Variants in ORC3 observed in about 807,000 individuals in gnomAD.
The protein encoded by ORC3 is origin recognition complex subunit 3.
ORC3 carries 78 observed loss-of-function variants against 100.7 expected under a neutral mutation model. The ratio of observed to expected loss-of-function variants is 0.77; its 90% CI spans 0.65 to 0.94. The LOEUF (loss-of-function observed/expected upper bound fraction) is 0.94. Ranked by LOEUF, ORC3 falls within the 40% of genes least tolerant of loss-of-function variation. The pLI is 0.00. For missense variants in ORC3, 789 were observed against 823.9 expected, an observed-to-expected ratio of 0.96 and a Z score of 0.52; for synonymous variants, 295 against 289.3, an observed-to-expected ratio of 1.02 and a Z score of -0.20.
At chr6:87,677,822 A>G in the ORC3 span, 1 of 1,613,558 alleles carries the variant, frequency 6.2e-7, no homozygotes, top group Non-Finnish European at 8.5e-7. Flanking sequence ...TCATACCTGC[A>G]AGTTTTGTGT....
intron 8 of ORC3, among the ~76,000 whole-genome samples, chr6:87,613,906 T>A (rs939855245): frequency 1.3e-5 from 2 of 152,190 alleles, no homozygotes; most frequent in African/African-American, 4.8e-5. Flanking sequence ...TGTCTGCAGC[T>A]TTTCCAGGCA....
At chr6:87,675,477 G>A in the ORC3 span, 24 of 1,429,766 alleles carry the variant, frequency 1.7e-5, no homozygotes, top group Middle Eastern at 1.7e-4. Flanking sequence ...TGCCACTGAC[G>A]AAAGCTTGAA....
At chr6:87,601,761 G>T in intron 2 of ORC3, 23 bp from the exon 3 acceptor site, 2 of 1,307,510 alleles carry the variant, frequency 1.5e-6, no homozygotes, top group South Asian at 2.4e-5. Context: ...AAAAGAAACT[G>T]ACTTATTTCT....
At position 87,644,079 on chromosome 6, in the gene ORC3, C is replaced by CTTTTTT. The variant is rs1156943778; in HGVS notation, c.1382+7619_1382+7624dup. Among the ~76,000 whole-genome samples, 146 of 51,428 alleles carry CTTTTTT rather than the reference C, an allele frequency of 2.8e-3. 20 individuals are homozygous for CTTTTTT. The highest frequency in any genetic ancestry group is 0.013 in the East Asian group (17 of 1,328). 33.7% of individuals were successfully genotyped at this position (51,428 alleles called of 152,430 possible). On this transcript the variant is annotated intron_variant, in intron 13 of 19. Coordinates refer to ENST00000392844, the MANE Select transcript of ORC3 (RefSeq NM_012381.4). The stretch of plus-strand genomic sequence containing the variant: ...CCACAGATACAGATGGCTGACTGTC[C>CTTTTTT]TTTTTTTTTTTTTTTTTTTTTTTTT...
intron 13 of ORC3, among the ~76,000 whole-genome samples, chr6:87,638,618 A>T (rs1381041910): frequency 6.6e-6 from 1 of 152,196 alleles, no homozygotes; most frequent in Non-Finnish European, 1.5e-5. Context: ...AAGTCCTCTA[A>T]AATTTGAAAC....
At chr6:87,661,468 G>A (rs1770172849) in intron 16 of ORC3, among the ~76,000 whole-genome samples, 1 of 152,120 alleles carries the variant, frequency 6.6e-6, no homozygotes, top group Non-Finnish European at 1.5e-5. Flanking sequence ...TCTTGAGATG[G>A]GGGAGAAAAG....
chr6:87,656,776 G>C, intron 14 of ORC3, 130 bp from the exon 15 acceptor site: 1 of 571,430 alleles, frequency 1.7e-6, no homozygotes, highest in Non-Finnish European at 3.1e-6. Flanking sequence ...TTATCAGATG[G>C]AATCTTGATC....
At chr6:87,666,735 G>A (rs1770674887) in intron 19 of ORC3, among the ~76,000 whole-genome samples, 1 of 152,078 alleles carries the variant, frequency 6.6e-6, no homozygotes, top group Admixed American at 6.6e-5. Flanking sequence ...CACTGACCTG[G>A]TCTGAATTCT....
intron 1 of ORC3, among the ~76,000 whole-genome samples, chr6:87,592,943 A>G (rs572567605): frequency 5.3e-5 from 8 of 151,654 alleles, no homozygotes; most frequent in Non-Finnish European, 8.8e-5. Context: ...AATACAATAA[A>G]TTAGCCAGGC....
chr6:87,651,661 C>T (rs1461768116), intron 13 of ORC3, among the ~76,000 whole-genome samples: 1 of 152,092 alleles, frequency 6.6e-6, no homozygotes, highest in African/African-American at 2.4e-5. Flanking sequence ...TAACAATTGC[C>T]ATATTTAGTG....
At position 87,607,657 on chromosome 6, in the gene ORC3, T is replaced by G; in HGVS notation, c.428-16T>G. The G allele has an allele frequency of 6.4e-7, 1 of 1,568,166 alleles. No individual in the cohort carries two copies. The highest frequency in any genetic ancestry group is 2.3e-5 in the East Asian group (1 of 43,584). On this transcript the variant is annotated splice_polypyrimidine_tract_variant and intron_variant, in intron 5 of 19. Coordinates refer to ENST00000392844, the MANE Select transcript of ORC3 (RefSeq NM_012381.4). The stretch of plus-strand genomic sequence containing the variant: ...AAGAGGCAGAGATAAGCTTTCTTAC[T>G]TTTTATATTCCACAGATATGAAACA...
rs2307380 is a variant in ORC3, at chr6:87,667,206, C to A, written c.*83C>A. The A allele has an allele frequency of 1.5e-5, 12 of 780,498 alleles. No homozygotes were observed. Among genetic ancestry groups the A allele is most frequent in the Middle Eastern group, 3.8e-4 (1 of 2,622 alleles). The allele number at this position is 780,498 out of a possible 1,614,324, so 48.3% of individuals were successfully genotyped here. On this transcript the variant is annotated 3_prime_UTR_variant, in exon 20 of 20. Coordinates refer to ENST00000392844, the MANE Select transcript of ORC3 (RefSeq NM_012381.4). ...GTCATATTTACATATATTAGAGGAG[C>A]CTGTTTTGTTGAGAAGATAAATGTG...
At position 87,616,396 on chromosome 6, in the gene ORC3, T is replaced by G; in HGVS notation, c.956T>G (p.Phe319Cys). ...VLTNIFLYHD[F>C]SVQNFIKGLQ... ...ACCAACATCTTTTTGTATCATGATTTCTCAGTTCAAAACTTTATAAAAGGA... is the reference window on the plus strand; with the variant it reads ...ACCAACATCTTTTTGTATCATGATTGCTCAGTTCAAAACTTTATAAAAGGA... Residue 319 changes from phenylalanine to cysteine, a missense_variant, in exon 9 of 20, where the codon TTC (phenylalanine) becomes TGC (cysteine). Phe to Cys is a radical substitution (Grantham distance 205). This residue lies in a region of ORC3 where 399 missense variants were observed against 382.0 expected (regional missense o/e 1.04). Transcript: ENST00000392844. The G allele has an allele frequency of 6.6e-7, 1 of 1,519,886 alleles. No individual in the cohort carries two copies. Among genetic ancestry groups the G allele is most frequent in the Admixed American group, 1.7e-5 (1 of 59,730 alleles). The allele number at this position is 1,519,886 out of a possible 1,614,324, so 94.1% of individuals were successfully genotyped here. A position where few individuals can be genotyped will look rare whatever the true frequency, so the allele number is the denominator to read the frequency against.
chr6:87,591,625 C>T (rs116648281), intron 1 of ORC3, among the ~76,000 whole-genome samples: 299 of 152,268 alleles, frequency 2.0e-3, no homozygotes, highest in African/African-American at 7.0e-3. Flanking sequence ...TTCAGGAAAG[C>T]ATTTTTGGTA....
At chr6:87,614,246 G>C (rs184437774) in intron 8 of ORC3, among the ~76,000 whole-genome samples, 38 of 152,324 alleles carry the variant, frequency 2.5e-4, no homozygotes, top group African/African-American at 9.1e-4. Context: ...CCCGAACTTT[G>C]TGTTGGCCCT....
At chr6:87,645,984 CTTTTTTTTTTCTTTTT>C (rs977321967) in intron 13 of ORC3, among the ~76,000 whole-genome samples, 9 of 127,012 alleles carry the variant, frequency 7.1e-5, no homozygotes, top group Admixed American at 3.3e-4. Context: ...CTTTTTTTTT[CTTTTTTTTTTCTTTTT>C]TTTTGAGGCG....
chr6:87,664,973 G>T (rs532839613), intron 18 of ORC3, 114 bp downstream of exon 18: 3 of 666,368 alleles, frequency 4.5e-6, no homozygotes, highest in Admixed American at 2.7e-5. Flanking sequence ...TTAATGCCTT[G>T]TCTTTTATTT....
intron 13 of ORC3, among the ~76,000 whole-genome samples, chr6:87,649,006 C>A (rs933703843): frequency 9.2e-5 from 14 of 152,174 alleles, no homozygotes; most frequent in Non-Finnish European, 1.5e-5. Flanking sequence ...GTGTGTATTT[C>A]CCTACACTTT....
At chr6:87,598,041 G>A (rs1014316856) in intron 2 of ORC3, among the ~76,000 whole-genome samples, 5 of 152,064 alleles carry the variant, frequency 3.3e-5, no homozygotes, top group African/African-American at 1.2e-4. Context: ...AGACTGTTTT[G>A]TTTTTCAAGA....
Sources: allele counts gnomAD v4.1 joint callset (sites outside exome capture counted in the v4.1 genomes callset), GRCh38; gene constraint gnomAD v4.1.1; regional missense constraint gnomAD v4.1.1; transcripts MANE v1.5; gene names NCBI Gene and HGNC (gene_info 2026-07-23, HGNC 2026-07-21).